MIS18A: variants seen among roughly 807,000 people sequenced by gnomAD.
MIS18A encodes protein Mis18-alpha.
Under a neutral mutation model 25.0 loss-of-function variants are expected in MIS18A, and 14 were observed. The observed-to-expected ratio is 0.56, with a 90% CI of 0.37 to 0.88. MIS18A has a LOEUF of 0.88. Ranked by LOEUF, MIS18A falls within the 40% of genes least tolerant of loss-of-function variation. The pLI is 0.00. For synonymous variants in MIS18A, 134 were observed against 118.6 expected (o/e 1.13, Z -0.84); for missense variants, 292 against 290.8 (o/e 1.00, Z -0.03).
intron 4 of MIS18A, 200 bp downstream of exon 4, chr21:32,269,505 CAT>C (rs1433101733): frequency 3.9e-6 from 2 of 512,204 alleles, no homozygotes; most frequent in South Asian, 3.0e-5. Flanking sequence ...TTTGACATGA[CAT>C]GTCTTCCTCA....
the MIS18A span, among the ~76,000 whole-genome samples, chr21:32,257,956 T>C: frequency 6.6e-6 from 1 of 152,262 alleles, no homozygotes; most frequent in Non-Finnish European, 1.5e-5. Flanking sequence ...TTTGGATGTC[T>C]TGACCCATAA....
At chr21:32,167,048 T>G in the MIS18A span, among the ~76,000 whole-genome samples, 3 of 152,184 alleles carry the variant, frequency 2.0e-5, no homozygotes, top group African/African-American at 7.2e-5. Flanking sequence ...ATTTATCCCC[T>G]GAATCTAAAA....
the MIS18A span, among the ~76,000 whole-genome samples, chr21:32,212,884 G>A: frequency 3.3e-5 from 5 of 152,194 alleles, no homozygotes; most frequent in East Asian, 1.9e-4. Flanking sequence ...CTCCATGATT[G>A]TGAGGCCTCC....
chr21:32,221,565 C>T, the MIS18A span, among the ~76,000 whole-genome samples: 5 of 151,842 alleles, frequency 3.3e-5, no homozygotes, highest in Admixed American at 3.3e-4. Context: ...TGAAGAAACT[C>T]CATCAACTAA....
the MIS18A span, among the ~76,000 whole-genome samples, chr21:32,216,040 C>T: frequency 6.6e-6 from 1 of 152,076 alleles, no homozygotes; most frequent in Non-Finnish European, 1.5e-5. Context: ...ACCTCTAAAA[C>T]TCCTCTCCTC....
chr21:32,165,631 AG>A, the MIS18A span, among the ~76,000 whole-genome samples: 2 of 152,170 alleles, frequency 1.3e-5, no homozygotes, highest in Middle Eastern at 6.8e-3. Flanking sequence ...GAAAAGGGAA[AG>A]GAAAAAAAAG....
At chr21:32,213,337 A>G in the MIS18A span, among the ~76,000 whole-genome samples, 1 of 152,276 alleles carries the variant, frequency 6.6e-6, no homozygotes, top group Non-Finnish European at 1.5e-5. Context: ...CTGTTATTAA[A>G]AAGAAGAATC....
In MIS18A at chr21:32,278,906, C is replaced by T. The variant is rs765728035; in HGVS notation, c.109G>A (p.Glu37Lys). 6.2e-7 allele frequency: 1 copy of T among 1,613,618 alleles called. No homozygotes were observed. Among genetic ancestry groups the T allele is most frequent in the Admixed American group, 1.7e-5 (1 of 60,032 alleles). Residue 37 changes from glutamate (E) to lysine (K), a missense_variant, in exon 1 of 5, where the codon GAA becomes AAA. Physicochemically the swap from Glu to Lys is moderately conservative, Grantham distance 56. Transcript: ENST00000290130. ...AACAGCTGGTGGCGGCTCGAGTCTT[C>T]GGAGAGTCTCTTGCCCAACAGCGAG... ...DSSLLGKRLS[E>K]DSSRHQLLQK...
the MIS18A span, among the ~76,000 whole-genome samples, chr21:32,246,751 T>A: frequency 6.6e-6 from 1 of 152,090 alleles, no homozygotes; most frequent in Non-Finnish European, 1.5e-5. Context: ...GCCTTCAGAA[T>A]CTCAAGAGCA....
chr21:32,273,240 G>A lies in MIS18A; in HGVS notation c.401+1590C>T, dbSNP rs145830277. Among the ~76,000 whole-genome samples the A allele has an allele frequency of 4.6e-3, 704 of 151,838 alleles. 4 individuals carry two copies. The highest frequency in any genetic ancestry group is 0.021 in the South Asian group (101 of 4,800). ...CCGGCATCTCATATTCACCAATCTGGAAGTTCTCTAAAACCCATGGGTTTT... is the reference window on the plus strand; with the variant it reads ...CCGGCATCTCATATTCACCAATCTGAAAGTTCTCTAAAACCCATGGGTTTT... On this transcript the variant is annotated intron_variant, in intron 2 of 4. Transcript: ENST00000290130.
the MIS18A span, among the ~76,000 whole-genome samples, chr21:32,203,930 T>C: frequency 6.6e-6 from 1 of 151,986 alleles, no homozygotes; most frequent in Admixed American, 6.6e-5. Flanking sequence ...AGCAAATTTT[T>C]TGAAGAATGG....
the MIS18A span, among the ~76,000 whole-genome samples, chr21:32,254,365 A>G: frequency 4.6e-5 from 7 of 152,010 alleles, no homozygotes; most frequent in South Asian, 1.5e-3. Flanking sequence ...CCCTGTCTCT[A>G]AAAATACAAA....
the MIS18A span, among the ~76,000 whole-genome samples, chr21:32,253,553 C>T: frequency 6.6e-6 from 1 of 152,166 alleles, no homozygotes; most frequent in Non-Finnish European, 1.5e-5. Flanking sequence ...CAGATCACTC[C>T]ATTTTCAGAG....
At chr21:32,208,893 C>A in the MIS18A span, among the ~76,000 whole-genome samples, 39 of 152,320 alleles carry the variant, frequency 2.6e-4, no homozygotes, top group African/African-American at 9.1e-4. Flanking sequence ...CACCAGGTGT[C>A]CCTCCCAAAG....
Position 32,278,740 on chromosome 21 carries a change from A to G in MIS18A, c.275T>C (p.Leu92Pro). The G allele has an allele frequency of 6.3e-7, 1 of 1,579,784 alleles. No homozygotes were observed. The highest frequency in any genetic ancestry group is 1.1e-5 in the South Asian group (1 of 88,142). Residue 92 changes from leucine (L) to proline (P), a missense_variant, in exon 1 of 5, where the codon CTG (leucine) becomes CCG (proline). By Grantham distance (98) the Leu-to-Pro change is moderately conservative. Coordinates refer to ENST00000290130, the MANE Select transcript of MIS18A (RefSeq NM_018944.3). The stretch of plus-strand genomic sequence containing the variant: ...GGCCACCCAGCTCAGCGAGTCGCCC[A>G]GCGGCCGCCGGCAGCCGGAGCACAG... Reference protein sequence around the residue: ...VFLCSGCRRPLGDSLSWVASQ... With the variant: ...VFLCSGCRRPPGDSLSWVASQ...
Position 32,268,933 on chromosome 21 carries a change from T to G in MIS18A, c.*104A>C, listed in dbSNP as rs2031658769. On this transcript the variant is annotated 3_prime_UTR_variant, in exon 5 of 5. Coordinates refer to ENST00000290130, the MANE Select transcript of MIS18A (RefSeq NM_018944.3). ...AGCGTTTCGCATGCCTGGCTAATTT[T>G]TTTTTTCTTTTTTTTTTTGTAGAGA... 7 of 903,398 alleles carry G rather than the reference T, an allele frequency of 7.7e-6. No homozygotes were observed. Among genetic ancestry groups the G allele is most frequent in the Middle Eastern group, 2.4e-4 (1 of 4,236 alleles). The allele number at this position is 903,398 out of a possible 1,614,324, so 56.0% of individuals were successfully genotyped here. A position where few individuals can be genotyped will look rare whatever the true frequency, so the allele number is the denominator to read the frequency against.
In MIS18A at chr21:32,270,466, C is replaced by T. The variant is rs1240442881; in HGVS notation, c.465G>A (p.Thr155=). ...CTCTCTTGTAATCAAGATTCTTGGG[C>T]GTGCATCTGTACACGTAGCCAAGAT... ...SLNLGYVYRC[T]PKNLDYKRDL... Residue 155 remains threonine, a synonymous_variant, in exon 3 of 5, where the codon ACG becomes ACA. Transcript: ENST00000290130. 1.2e-6 allele frequency: 2 copies of T among 1,612,900 alleles called. No homozygotes were observed. The highest frequency in any genetic ancestry group is 1.7e-6 in the Non-Finnish European group (2 of 1,179,564).
chr21:32,171,471 G>T, the MIS18A span, among the ~76,000 whole-genome samples: 4 of 151,938 alleles, frequency 2.6e-5, no homozygotes, highest in African/African-American at 9.7e-5. Flanking sequence ...TAATGACAGG[G>T]ACACATTCTG....
the MIS18A span, among the ~76,000 whole-genome samples, chr21:32,194,439 T>A: frequency 1.3e-5 from 2 of 152,106 alleles, no homozygotes; most frequent in African/African-American, 4.8e-5. Flanking sequence ...TGGGGCGGAT[T>A]ACCTGAGGTT....
Sources: allele counts gnomAD v4.1 joint callset (sites outside exome capture counted in the v4.1 genomes callset), GRCh38; gene constraint gnomAD v4.1.1; transcripts MANE v1.5; gene names NCBI Gene and HGNC (gene_info 2026-07-23, HGNC 2026-07-21).